The following DCLK1 variants were observed in gnomAD, a reference collection of about 807,000 sequenced individuals.
The protein encoded by DCLK1 is doublecortin like kinase 1.
DCLK1 carries 16 observed loss-of-function variants against 86.2 expected under a neutral mutation model. The ratio of observed to expected loss-of-function variants is 0.19; its 90% CI spans 0.13 to 0.28. The LOEUF is 0.28. Ranked by LOEUF, DCLK1 falls within the 10% of genes least tolerant of loss-of-function variation. The probability of loss-of-function intolerance (pLI) is 1.00; values close to 1 mark genes in which losing one functional copy is unlikely to be tolerated. For missense variants in DCLK1, 590 were observed against 940.2 expected (o/e 0.63, Z 4.87); for synonymous variants, 369 against 370.5 (o/e 1.00, Z 0.05).
chr13:35,978,495 C>T (rs1879470431), intron 3 of DCLK1, among the ~76,000 whole-genome samples: 1 of 152,028 alleles, frequency 6.6e-6, no homozygotes. Flanking sequence ...CGTGAGCCAC[C>T]GTGCCCGGTC....
intron 3 of DCLK1, among the ~76,000 whole-genome samples, chr13:36,103,272 G>A (rs543418931): frequency 7.9e-5 from 12 of 151,770 alleles, no homozygotes; most frequent in African/African-American, 1.7e-4. Context: ...GTGGTGGCAC[G>A]CGCCTGTAAT....
chr13:35,790,952 A>C (rs1050179617), intron 16 of DCLK1, among the ~76,000 whole-genome samples: 2 of 152,218 alleles, frequency 1.3e-5, no homozygotes, highest in Non-Finnish European at 2.9e-5. Flanking sequence ...TTCTGAAAGT[A>C]TCACAATGAA....
chr13:36,045,377 T>TAC (rs568110221), intron 3 of DCLK1, among the ~76,000 whole-genome samples: 81 of 125,056 alleles, frequency 6.5e-4, no homozygotes, highest in African/African-American at 1.1e-3. Flanking sequence ...TATATATATA[T>TAC]TTCAAGGTAA....
chr13:35,948,010 G>C (rs1877477075), intron 3 of DCLK1, among the ~76,000 whole-genome samples: 1 of 152,148 alleles, frequency 6.6e-6, no homozygotes, highest in South Asian at 2.1e-4. Context: ...AGAGATTATG[G>C]TAAGTGTATG....
chr13:35,941,890 A>G (rs1278671853), intron 4 of DCLK1, among the ~76,000 whole-genome samples: 2 of 152,180 alleles, frequency 1.3e-5, no homozygotes, highest in Non-Finnish European at 2.9e-5. Context: ...ATCACATAAC[A>G]TCTCATACTA....
chr13:35,947,273 G>C lies in DCLK1; in HGVS notation c.823+85C>G, dbSNP rs895199159. The C allele has an allele frequency of 1.6e-5, 15 of 959,022 alleles. No individual in the cohort carries two copies. In the African/African-American group the frequency reaches 2.0e-4, roughly 12 times the overall value. The allele number at this position is 959,022 out of a possible 1,614,324, so 59.4% of individuals were successfully genotyped here. A position where few individuals can be genotyped will look rare whatever the true frequency, so the allele number is the denominator to read the frequency against. ...ATCTGAAACTGATTTGGTAGCTTTG[G>C]AGTTGACATAATCTTGGCCTGGTGC... On this transcript the variant is annotated intron_variant, in intron 4 of 16. Coordinates refer to ENST00000360631, the MANE Select transcript of DCLK1 (RefSeq NM_001330071.2).
chr13:35,795,204 G>C (rs2086784105), intron 15 of DCLK1, among the ~76,000 whole-genome samples: 1 of 152,196 alleles, frequency 6.6e-6, no homozygotes. Flanking sequence ...GTGTTGACAG[G>C]CAGAGAGGAG....
At chr13:36,019,415 A>G (rs777557778) in intron 3 of DCLK1, among the ~76,000 whole-genome samples, 7 of 152,162 alleles carry the variant, frequency 4.6e-5, no homozygotes, top group Non-Finnish European at 8.8e-5. Context: ...ATAGATTAAC[A>G]GATAATTATT....
intron 11 of DCLK1, among the ~76,000 whole-genome samples, chr13:35,813,736 T>TG (rs2087203098): frequency 6.7e-6 from 1 of 150,192 alleles, no homozygotes; most frequent in Non-Finnish European, 1.5e-5. Context: ...CCCGCTTTTT[T>TG]TTTTTTTTTT....
At chr13:36,076,878 C>A (rs966194758) in intron 3 of DCLK1, among the ~76,000 whole-genome samples, 1 of 152,152 alleles carries the variant, frequency 6.6e-6, no homozygotes, top group East Asian at 1.9e-4. Flanking sequence ...TGGGCCAAAA[C>A]TTAGATTATA....
intron 3 of DCLK1, among the ~76,000 whole-genome samples, chr13:36,002,007 G>A (rs1880742561): frequency 6.6e-6 from 1 of 150,628 alleles, no homozygotes; most frequent in African/African-American, 2.5e-5. Flanking sequence ...CCTTTTAGGA[G>A]GATGATGAAG....
rs757007588 is a variant in DCLK1, at chr13:35,774,635, C to G, written c.2123G>C (p.Arg708Pro). The change falls in exon 17 of 17, where the codon CGG (arginine) becomes CCG (proline). Residue 708 changes from arginine to proline, a missense_variant. Around this residue, in one of 6 missense-constraint regions of DCLK1, gnomAD observed 146 missense variants for 190.2 expected, o/e 0.77. Coordinates refer to ENST00000360631, the MANE Select transcript of DCLK1 (RefSeq NM_001330071.2). ...GGGAGGAGCTGGCTGCGCCTTGTAC[C>G]GGCTCCTCACATCCTGGTTGCGTCT... The part of the protein sequence containing the change: ...RRRRNQDVRS[R>P]YKAQPAPPEL... 3.1e-6 allele frequency: 5 copies of G among 1,607,382 alleles called. No individual in the cohort carries two copies. Among genetic ancestry groups the G allele is most frequent in the Non-Finnish European group, 4.2e-6 (5 of 1,177,012 alleles).
Position 35,971,371 on chromosome 13 carries a change from T to C in DCLK1, c.724-23914A>G, listed in dbSNP as rs575197433. On this transcript the variant is annotated intron_variant, in intron 3 of 16. Transcript: ENST00000360631. ...ATGCATGCTAGTTCCCATTTTAGGT[T>C]GAAGGACATGACACCGAAGCTAAGA... 2.3e-4 allele frequency among the ~76,000 whole-genome samples: 35 copies of C among 152,260 alleles called. No homozygotes were observed. In the South Asian group the frequency reaches 5.4e-3, roughly 23 times the overall value.
chr13:36,115,391 G>T (rs760839026), intron 2 of DCLK1, among the ~76,000 whole-genome samples: 1 of 152,078 alleles, frequency 6.6e-6, no homozygotes, highest in Non-Finnish European at 1.5e-5. Flanking sequence ...CCCAAAATTT[G>T]CTTTGGAAGC....
chr13:36,014,943 T>C (rs1881475308), intron 3 of DCLK1, among the ~76,000 whole-genome samples: 2 of 151,972 alleles, frequency 1.3e-5, no homozygotes, highest in Admixed American at 1.3e-4. Context: ...TTAAACATCC[T>C]TTTCCCCTAC....
At chr13:36,091,576 T>C (rs1322926484) in intron 3 of DCLK1, among the ~76,000 whole-genome samples, 1 of 152,182 alleles carries the variant, frequency 6.6e-6, no homozygotes, top group Admixed American at 6.5e-5. Flanking sequence ...GTTGCTTCTT[T>C]CTTCTGTCTG....
intron 3 of DCLK1, among the ~76,000 whole-genome samples, chr13:35,959,507 T>C (rs1217967408): frequency 6.6e-6 from 1 of 152,162 alleles, no homozygotes; most frequent in Non-Finnish European, 1.5e-5. Context: ...CCAGATTGAT[T>C]AATTTTCTGT....
chr13:35,940,108 C>T (rs575462471), intron 4 of DCLK1, among the ~76,000 whole-genome samples: 1 of 152,056 alleles, frequency 6.6e-6, no homozygotes, highest in South Asian at 2.1e-4. Context: ...GTAGTCCCAG[C>T]TACTCGGGAG....
intron 4 of DCLK1, among the ~76,000 whole-genome samples, chr13:35,940,240 T>G (rs1877008061): frequency 7.0e-6 from 1 of 143,496 alleles, no homozygotes; most frequent in Non-Finnish European, 1.5e-5. Flanking sequence ...AAAAATAAGT[T>G]AGTATGAAGG....
Sources: gnomAD v4.1 joint callset for allele counts (sites outside exome capture counted in the v4.1 genomes callset) on GRCh38, gnomAD v4.1.1 for gene constraint, gnomAD v4.1.1 regional missense constraint, MANE v1.5 for transcripts, NCBI Gene and HGNC (gene_info 2026-07-23, HGNC 2026-07-21) for gene names.